FARSB: variants seen among roughly 807,000 people sequenced by gnomAD.
The protein encoded by FARSB is phenylalanyl-tRNA synthetase subunit beta, also known as phenylalanine--tRNA ligase beta subunit.
A neutral mutation model predicts 69.6 loss-of-function variants in FARSB; 40 were observed. The observed-to-expected ratio is 0.57, with a 90% CI of 0.45 to 0.75. The LOEUF (loss-of-function observed/expected upper bound fraction) is 0.75, where lower values mean the gene tolerates loss of function less well. FARSB is among the 30% of genes least tolerant of loss of function. The probability of loss-of-function intolerance (pLI) is 0.00; values close to 1 mark genes in which losing one functional copy is unlikely to be tolerated. For missense variants in FARSB, 632 were observed against 722.9 expected (o/e 0.87, Z 1.44); for synonymous variants, 235 against 247.2 (o/e 0.95, Z 0.46).
intron 3 of FARSB, 123 bp downstream of exon 3, chr2:222,642,728 G>A (rs1691753658): frequency 1.6e-6 from 1 of 616,932 alleles, no homozygotes; most frequent in East Asian, 2.7e-5. Flanking sequence ...ACCCTCTATT[G>A]AGAGCTAAAG....
chr2:222,595,347 C>G (rs1470426569), intron 16 of FARSB, among the ~76,000 whole-genome samples: 1 of 152,138 alleles, frequency 6.6e-6, no homozygotes, highest in East Asian at 1.9e-4. Context: ...AGGGAAACAT[C>G]ACAATTTCAC....
At chr2:222,585,095 G>A (rs1332099400) in intron 16 of FARSB, among the ~76,000 whole-genome samples, 1 of 152,190 alleles carries the variant, frequency 6.6e-6, no homozygotes, top group Non-Finnish European at 1.5e-5. Context: ...CCTCCCAGTA[G>A]GGGCCGACTG....
At chr2:222,605,469 C>G (rs568494170) in intron 15 of FARSB, among the ~76,000 whole-genome samples, 9 of 152,258 alleles carry the variant, frequency 5.9e-5, no homozygotes, top group African/African-American at 2.2e-4. Context: ...TTTTGGTAAT[C>G]TTTGCCAAAT....
chr2:222,643,713 A>G (rs10932965), intron 2 of FARSB, among the ~76,000 whole-genome samples: 129,935 of 152,188 alleles, frequency 0.85, 56,384 homozygotes, highest in African/African-American at 0.97. Flanking sequence ...GATAATAGGT[A>G]CAATGGGAAG....
Position 222,642,318 on chromosome 2 carries a change from T to C in FARSB, c.269+533A>G, listed in dbSNP as rs564215657. Among the ~76,000 whole-genome samples the C allele has an allele frequency of 2.0e-5, 3 of 152,324 alleles. No homozygotes were observed. The South Asian group carries it at 6.2e-4, about 32-fold the overall frequency. ...GTCCAGCCCCTCTATCTTCATTAAA[T>C]GAAAAGCTGGAAGGGGCCTTATAAA... On this transcript the variant is annotated intron_variant, in intron 3 of 16. Transcript: ENST00000281828.
intron 14 of FARSB, among the ~76,000 whole-genome samples, chr2:222,618,915 C>T (rs961673557): frequency 6.6e-6 from 1 of 151,918 alleles, no homozygotes; most frequent in South Asian, 2.1e-4. Context: ...GGTCACTTTG[C>T]GGATCACTTG....
At chr2:222,613,595 G>T (rs573934909) in intron 15 of FARSB, among the ~76,000 whole-genome samples, 1 of 152,288 alleles carries the variant, frequency 6.6e-6, no homozygotes, top group South Asian at 2.1e-4. Context: ...CTGATGAAAT[G>T]ATACAATGTC....
chr2:222,613,354 G>C (rs757598280), intron 15 of FARSB, among the ~76,000 whole-genome samples: 2 of 152,294 alleles, frequency 1.3e-5, no homozygotes, highest in African/African-American at 2.4e-5. Flanking sequence ...AGTCCAGCCT[G>C]GCCAACATGG....
chr2:222,635,533 A>G (rs2106231526), intron 5 of FARSB, among the ~76,000 whole-genome samples: 1 of 152,364 alleles, frequency 6.6e-6, no homozygotes, highest in South Asian at 2.1e-4. Context: ...CTATCATAGG[A>G]TAAAATATGC....
At chr2:222,579,648 T>G (rs1445093003) in intron 16 of FARSB, among the ~76,000 whole-genome samples, 2 of 152,178 alleles carry the variant, frequency 1.3e-5, no homozygotes, top group African/African-American at 4.8e-5. Flanking sequence ...CTCTTAAAAC[T>G]AGAAATGACC....
intron 16 of FARSB, among the ~76,000 whole-genome samples, chr2:222,578,879 G>A (rs1689901160): frequency 6.6e-6 from 1 of 152,172 alleles, no homozygotes; most frequent in African/African-American, 2.4e-5. Context: ...CTACTCAGGA[G>A]GCTAAGACAA....
chr2:222,626,846 A>T lies in FARSB; in HGVS notation c.900+1991T>A, dbSNP rs1691287587. On this transcript the variant is annotated intron_variant, in intron 10 of 16. Coordinates refer to ENST00000281828, the MANE Select transcript of FARSB (RefSeq NM_005687.5). ...CAGGAGATCAAGACCATCTTCTCTA[A>T]CATGGTGAAACCCCATCTCTACTAA... is the stretch of plus-strand genomic sequence containing the variant. 2.0e-5 allele frequency among the ~76,000 whole-genome samples: 3 copies of T among 152,206 alleles called. No individual in the cohort carries two copies. In the South Asian group the frequency reaches 6.2e-4, roughly 32 times the overall value.
intron 16 of FARSB, among the ~76,000 whole-genome samples, chr2:222,580,459 A>G (rs1200767603): frequency 6.6e-6 from 1 of 151,732 alleles, no homozygotes; most frequent in Non-Finnish European, 1.5e-5. Context: ...CCAGGTGTTC[A>G]AAACTAGCCT....
intron 14 of FARSB, among the ~76,000 whole-genome samples, chr2:222,615,037 G>A (rs1299502596): frequency 1.3e-5 from 2 of 152,064 alleles, no homozygotes; most frequent in Non-Finnish European, 2.9e-5. Flanking sequence ...AAATGTGAAA[G>A]AAAGCATGTA....
chr2:222,604,217 TAA>T (rs781762522), intron 15 of FARSB, among the ~76,000 whole-genome samples: 20 of 130,748 alleles, frequency 1.5e-4, no homozygotes, highest in Admixed American at 2.3e-4. Context: ...GACTCCGTCT[TAA>T]AAAAAAAAAA....
chr2:222,655,992 C>G (rs758570156), intron 1 of FARSB, 24 bp downstream of exon 1: 8 of 1,574,752 alleles, frequency 5.1e-6, no homozygotes, highest in Non-Finnish European at 1.7e-6. Flanking sequence ...GGCGTAGGGC[C>G]CAACGTATAG....
chr2:222,604,470 T>C (rs747787705), intron 15 of FARSB, among the ~76,000 whole-genome samples: 5 of 152,194 alleles, frequency 3.3e-5, no homozygotes, highest in Admixed American at 6.5e-5. Context: ...CAGTACACAC[T>C]ATATTCAAGG....
At chr2:222,590,992 CATAG>C (rs1690254579) in intron 16 of FARSB, among the ~76,000 whole-genome samples, 1 of 151,976 alleles carries the variant, frequency 6.6e-6, no homozygotes, top group Non-Finnish European at 1.5e-5. Context: ...ACTTTTGGAA[CATAG>C]ATAAACTCAA....
At chr2:222,636,765 T>C (rs1185827776) in intron 5 of FARSB, among the ~76,000 whole-genome samples, 1 of 152,174 alleles carries the variant, frequency 6.6e-6, no homozygotes, top group Non-Finnish European at 1.5e-5. Context: ...TATTCAAGTC[T>C]TTGCCTGAAA....
Sources: allele counts gnomAD v4.1 joint callset (sites outside exome capture counted in the v4.1 genomes callset), GRCh38; gene constraint gnomAD v4.1.1; transcripts MANE v1.5; gene names NCBI Gene and HGNC (gene_info 2026-07-23, HGNC 2026-07-21).